The following CTNND1 variants were observed in gnomAD, a reference collection of about 807,000 sequenced individuals.
The protein encoded by CTNND1 is catenin delta-1.
In CTNND1, 16 loss-of-function variants were observed where a neutral mutation model predicts 112.1. The ratio of observed to expected loss-of-function variants is 0.14; its 90% CI spans 0.10 to 0.22. CTNND1 has a LOEUF of 0.22. Ranked by LOEUF, CTNND1 falls within the 10% of genes least tolerant of loss-of-function variation. The probability of loss-of-function intolerance (pLI) is 1.00; values close to 1 mark genes in which losing one functional copy is unlikely to be tolerated. For synonymous variants in CTNND1, 420 were observed against 446.5 expected (o/e 0.94, Z 0.75); for missense variants, 1,008 against 1,257.0 (o/e 0.80, Z 3.00).
chr11:57,767,705 C>CA (rs1358559952), intron 1 of CTNND1, among the ~76,000 whole-genome samples: 4 of 151,984 alleles, frequency 2.6e-5, no homozygotes, highest in Non-Finnish European at 5.9e-5. Context: ...ATTGTTGTGA[C>CA]ACTTAAGTTA....
intron 1 of CTNND1, among the ~76,000 whole-genome samples, chr11:57,769,842 C>G (rs999272271): frequency 2.0e-5 from 3 of 152,070 alleles, no homozygotes; most frequent in Non-Finnish European, 4.4e-5. Context: ...TCTAGTGATT[C>G]AGATTGGTTT....
chr11:57,765,973 C>T (rs1302604431), intron 1 of CTNND1, among the ~76,000 whole-genome samples: 4 of 152,132 alleles, frequency 2.6e-5, no homozygotes, highest in Non-Finnish European at 4.4e-5. Flanking sequence ...GGTGAAGACT[C>T]CTCTTTACAA....
Position 57,815,978 on chromosome 11 carries a change from G to T in CTNND1, c.2872G>T (p.Gly958Cys). Reference sequence around the variant, plus strand: ...TGTGTTGGTTTTGGATGATGAGGGGGGCCAAGTGTCTTACCCCTCCATGGT... The same window carrying T: ...TGTGTTGGTTTTGGATGATGAGGGGTGCCAAGTGTCTTACCCCTCCATGGT... ...LDVLVLDDEG[G>C]QVSYPSMQKI Residue 958 changes from glycine to cysteine, a missense_variant, in exon 20 of 21, where the codon GGC (glycine) becomes TGC (cysteine). Gly to Cys is a radical substitution (Grantham distance 159). Coordinates refer to ENST00000399050, the MANE Select transcript of CTNND1 (RefSeq NM_001085458.2). 1 of 1,595,042 alleles carries T rather than the reference G, an allele frequency of 6.3e-7. No homozygotes were observed. The highest frequency in any genetic ancestry group is 2.2e-5 in the East Asian group (1 of 44,772).
intron 1 of CTNND1, among the ~76,000 whole-genome samples, chr11:57,786,272 G>A (rs572300119): frequency 1.3e-5 from 2 of 149,728 alleles, no homozygotes; most frequent in South Asian, 2.1e-4. Context: ...CGTGGCTCAC[G>A]CCTGTAATCC....
At chr11:57,793,911 C>A in intron 3 of CTNND1, 99 bp from the exon 4 acceptor site, 2 of 1,186,016 alleles carry the variant, frequency 1.7e-6, no homozygotes, top group Non-Finnish European at 2.5e-6. Context: ...CACATATCTT[C>A]TTGAAAGCCC....
intron 8 of CTNND1, among the ~76,000 whole-genome samples, chr11:57,804,149 T>A (rs574383607): frequency 7.9e-5 from 12 of 152,316 alleles, no homozygotes; most frequent in African/African-American, 2.9e-4. Flanking sequence ...TTATTTGTAT[T>A]TCAAGTCAGG....
At chr11:57,781,264 G>A (rs1247995691) in intron 1 of CTNND1, among the ~76,000 whole-genome samples, 1 of 152,110 alleles carries the variant, frequency 6.6e-6, no homozygotes, top group African/African-American at 2.4e-5. Flanking sequence ...AAAAAGGAAT[G>A]TGAGCTCAAA....
rs745706332 is a variant in CTNND1 at position 57,796,569 on chromosome 11, T to C, written c.533T>C (p.Leu178Ser). ...GTTTCTAACAACTATATCCAGACTT[T>C]GGGTCGTGATTTCCGCAAGAATGGC... ...SSVSNNYIQTLGRDFRKNGNG... is the reference protein window; with the variant it reads ...SSVSNNYIQTSGRDFRKNGNG... Residue 178 changes from leucine (L) to serine (S), a missense_variant, in exon 6 of 21, where the codon TTG (leucine) becomes TCG (serine). Physicochemically the swap from Leu to Ser is moderately radical, Grantham distance 145. This residue lies in a region of CTNND1 where 404 missense variants were observed against 457.9 expected (regional missense o/e 0.88). Coordinates refer to ENST00000399050, the MANE Select transcript of CTNND1 (RefSeq NM_001085458.2). The C allele has an allele frequency of 3.1e-6, 5 of 1,613,968 alleles. No homozygotes were observed. Among genetic ancestry groups the C allele is most frequent in the Non-Finnish European group, 4.2e-6 (5 of 1,179,888 alleles).
chr11:57,774,658 G>A (rs1458673420), intron 1 of CTNND1, among the ~76,000 whole-genome samples: 2 of 152,038 alleles, frequency 1.3e-5, no homozygotes, highest in Admixed American at 6.6e-5. Context: ...GGCCACTACA[G>A]TGGTTCACAA....
Position 57,808,383 on chromosome 11 carries a change from A to G in CTNND1, c.2092-7A>G, listed in dbSNP as rs373237963. ...TTTGTTCCACCCCTTTCTATTTGCT[A>G]TTCTAGTATGGTCGATACATCCGCT... On this transcript the variant is annotated splice_region_variant and splice_polypyrimidine_tract_variant and intron_variant, in intron 13 of 20. Transcript: ENST00000399050. 5.6e-6 allele frequency: 9 copies of G among 1,602,950 alleles called. No individual in the cohort carries two copies. The highest frequency in any genetic ancestry group is 5.4e-5 in the African/African-American group (4 of 74,594).
chr11:57,792,500 T>C (rs2060867422), intron 3 of CTNND1, among the ~76,000 whole-genome samples: 2 of 152,218 alleles, frequency 1.3e-5, no homozygotes, highest in African/African-American at 2.4e-5. Flanking sequence ...TTACGAGAGA[T>C]CTCTGAGTGG....
intron 4 of CTNND1, among the ~76,000 whole-genome samples, chr11:57,794,283 A>C (rs1168666882): frequency 1.3e-5 from 2 of 152,146 alleles, no homozygotes; most frequent in African/African-American, 4.8e-5. Context: ...ATGACCATTG[A>C]TCTTTATGAC....
At chr11:57,810,328 ATT>A in intron 16 of CTNND1, 105 bp downstream of exon 16, 8 of 742,948 alleles carry the variant, frequency 1.1e-5, no homozygotes, top group Admixed American at 3.7e-5. Flanking sequence ...TGCTAAACCT[ATT>A]TTTTTTTTCT....
intron 1 of CTNND1, among the ~76,000 whole-genome samples, chr11:57,783,804 G>GT (rs1487249473): frequency 1.4e-4 from 21 of 152,172 alleles, no homozygotes; most frequent in Non-Finnish European, 2.9e-4. Flanking sequence ...TGCCTTTTAG[G>GT]TATCTGAAGG....
At chr11:57,786,299 T>C (rs933067687) in intron 1 of CTNND1, among the ~76,000 whole-genome samples, 3 of 151,628 alleles carry the variant, frequency 2.0e-5, no homozygotes, top group African/African-American at 7.3e-5. Context: ...TATGGGAGGC[T>C]GAGGCAGGCG....
intron 1 of CTNND1, among the ~76,000 whole-genome samples, chr11:57,772,871 C>A (rs539725818): frequency 3.3e-5 from 5 of 151,958 alleles, no homozygotes; most frequent in African/African-American, 1.2e-4. Flanking sequence ...TTCTCTCACC[C>A]GTCTCCTCCT....
intron 1 of CTNND1, among the ~76,000 whole-genome samples, chr11:57,766,973 T>A (rs1013271781): frequency 3.3e-5 from 5 of 150,658 alleles, no homozygotes; most frequent in Non-Finnish European, 5.9e-5. Context: ...AATTTTCTTA[T>A]CTTTTTTTTT....
rs376382187 is a variant in CTNND1 at position 57,810,114 on chromosome 11, G to T, written c.2441G>T (p.Arg814Leu). Residue 814 changes from arginine (R) to leucine (L), a missense_variant, in exon 16 of 21, where the codon CGC becomes CTC. Arg to Leu is a moderately radical substitution (Grantham distance 102, BLOSUM62 -2). Coordinates refer to ENST00000399050, the MANE Select transcript of CTNND1 (RefSeq NM_001085458.2). Reference protein sequence around the residue: ...KLVLINKSGNRSEKEVRAAAL... With the variant: ...KLVLINKSGNLSEKEVRAAAL... Reference sequence around the variant, plus strand: ...GGTGTTACTTTCCTCCAAAGGAACCGCTCAGAAAAAGAAGTTCGAGCAGCA... The same window carrying T: ...GGTGTTACTTTCCTCCAAAGGAACCTCTCAGAAAAAGAAGTTCGAGCAGCA... 6.2e-7 allele frequency: 1 copy of T among 1,607,702 alleles called. No individual in the cohort carries two copies.
At chr11:57,796,124 C>T (rs1230881623) in intron 5 of CTNND1, among the ~76,000 whole-genome samples, 1 of 152,012 alleles carries the variant, frequency 6.6e-6, no homozygotes, top group Non-Finnish European at 1.5e-5. Context: ...CGGTGGGTCA[C>T]GCTTGTAATC....
Sources: gnomAD v4.1 joint callset for allele counts (sites outside exome capture counted in the v4.1 genomes callset) on GRCh38, gnomAD v4.1.1 for gene constraint, gnomAD v4.1.1 regional missense constraint, MANE v1.5 for transcripts, NCBI Gene and HGNC (gene_info 2026-07-23, HGNC 2026-07-21) for gene names.